RUFY2: variants seen among roughly 807,000 people sequenced by gnomAD.
The protein encoded by RUFY2 is RUN and FYVE domain containing 2.
Under a neutral mutation model 94.4 loss-of-function variants are expected in RUFY2, and 49 were observed. The observed-to-expected ratio is 0.52, with a 90% CI of 0.41 to 0.66. The LOEUF (loss-of-function observed/expected upper bound fraction) is 0.66. Ranked by LOEUF, RUFY2 falls within the 30% of genes least tolerant of loss-of-function variation. The pLI, the probability that RUFY2 is intolerant of heterozygous loss-of-function variation, is 0.00. For missense variants in RUFY2, 541 were observed against 692.8 expected, an observed-to-expected ratio of 0.78 and a Z score of 2.46; for synonymous variants, 255 against 235.7, an observed-to-expected ratio of 1.08 and a Z score of -0.75.
intron 7 of RUFY2, among the ~76,000 whole-genome samples, chr10:68,392,538 T>C (rs1274491937): frequency 2.0e-5 from 3 of 152,108 alleles, no homozygotes; most frequent in Non-Finnish European, 4.4e-5. Flanking sequence ...ACCATCAAAC[T>C]GATACAAACT....
At position 68,379,405 on chromosome 10, in the gene RUFY2, A is replaced by C. The variant is rs897374518; in HGVS notation, c.1205+19T>G. The C allele has an allele frequency of 6.4e-7, 1 of 1,553,232 alleles. No homozygotes were observed. The highest frequency in any genetic ancestry group is 1.2e-5 in the South Asian group (1 of 84,192). On this transcript the variant is annotated intron_variant, in intron 12 of 17. Transcript: ENST00000602465. ...GAAGAAGAAAAGAAAAAAAGAAACT[A>C]AGACTGGAAATGCTGTACCTTTGTT...
At position 68,404,706 on chromosome 10, in the gene RUFY2, A is replaced by G; in HGVS notation, c.143T>C (p.Val48Ala). 1 of 1,612,666 alleles carries G rather than the reference A, an allele frequency of 6.2e-7. No individual in the cohort carries two copies. The highest frequency in any genetic ancestry group is 1.1e-5 in the South Asian group (1 of 90,714). ...SDYPPLQQFF[V>A]VMEHCLKHGL... is the part of the protein sequence containing the mutation. The stretch of plus-strand genomic sequence containing the variant: ...GTGTTTCAGGCAATGTTCCATAACA[A>G]CAAAGAATTGCTGCAAGGGGGGATA... The change falls in exon 2 of 18, where the codon GTT becomes GCT. Residue 48 changes from valine (V) to alanine (A), a missense_variant. Val to Ala is a moderately conservative substitution (Grantham distance 64, BLOSUM62 0). Transcript: ENST00000602465.
At chr10:68,353,312 C>T (rs1441545353) in intron 16 of RUFY2, among the ~76,000 whole-genome samples, 2 of 140,476 alleles carry the variant, frequency 1.4e-5, no homozygotes, top group African/African-American at 5.4e-5. Flanking sequence ...GCCTGGGTAA[C>T]AGAGCGAGAC....
At chr10:68,371,590 CAA>C (rs574725100) in intron 13 of RUFY2, among the ~76,000 whole-genome samples, 20 of 107,740 alleles carry the variant, frequency 1.9e-4, no homozygotes, top group Admixed American at 2.9e-4. Context: ...GACTCCGCCT[CAA>C]AAAAAAAAAA....
At chr10:68,366,759 T>TATATATATATATATATATATAAATAA (rs1235098742) in intron 13 of RUFY2, among the ~76,000 whole-genome samples, 2 of 131,868 alleles carry the variant, frequency 1.5e-5, no homozygotes, top group Admixed American at 9.0e-5. Context: ...TATATATATA[T>TATATATATATATATATATATAAATAA]AATATTAAAT....
At chr10:68,384,250 T>G (rs886781370) in intron 8 of RUFY2, 98 bp from the exon 9 acceptor site, 1 of 1,390,666 alleles carries the variant, frequency 7.2e-7, no homozygotes, top group African/African-American at 1.5e-5. Context: ...AAATAAAATC[T>G]CACAACTAGC....
chr10:68,401,914 C>T (rs1341803825), intron 2 of RUFY2, among the ~76,000 whole-genome samples, 177 bp from the exon 3 acceptor site: 1 of 152,076 alleles, frequency 6.6e-6, no homozygotes, highest in Non-Finnish European at 1.5e-5. Context: ...ATCCTGTTGC[C>T]CATCCTGCTA....
chr10:68,387,691 C>T (rs1177437556), intron 7 of RUFY2, among the ~76,000 whole-genome samples: 1 of 152,038 alleles, frequency 6.6e-6, no homozygotes, highest in Non-Finnish European at 1.5e-5. Context: ...TTTTCTACTT[C>T]CTAATTGTGT....
Position 68,364,085 on chromosome 10 carries a change from C to T in RUFY2, c.1354G>A (p.Glu452Lys). ...LVQLETDLKI[E>K]KEWRQTLQED... Reference sequence around the variant, plus strand: ...TGCAAAGTCTGCCTCCATTCCTTCTCAATCTTCAAGTCAGTTTCCAGTTGC... The same window carrying T: ...TGCAAAGTCTGCCTCCATTCCTTCTTAATCTTCAAGTCAGTTTCCAGTTGC... Residue 452 changes from glutamate to lysine, a missense_variant, in exon 14 of 18, where the codon GAG (glutamate) becomes AAG (lysine). Physicochemically the swap from Glu to Lys is moderately conservative, Grantham distance 56. Transcript: ENST00000602465. 1 of 1,613,244 alleles carries T rather than the reference C, an allele frequency of 6.2e-7. No individual in the cohort carries two copies. Among genetic ancestry groups the T allele is most frequent in the Non-Finnish European group, 8.5e-7 (1 of 1,179,572 alleles).
intron 7 of RUFY2, among the ~76,000 whole-genome samples, chr10:68,388,837 CA>C (rs71009052): frequency 0.045 from 4,653 of 102,424 alleles, 210 homozygotes; most frequent in African/African-American, 0.17. Context: ...AACCCTGTCT[CA>C]AAAAAAAAAA....
Position 68,345,449 on chromosome 10 carries a change from CAG to C in RUFY2, c.*317_*318del, listed in dbSNP as rs1237694586. ...CAGGCACCATCAAATACCAAATTGACAGAATTCAGAAGAAAAAAACAATCTGA... is the reference window on the plus strand; with the variant it reads ...CAGGCACCATCAAATACCAAATTGACAATTCAGAAGAAAAAAACAATCTGA... On this transcript the variant is annotated 3_prime_UTR_variant, in exon 18 of 18. Transcript: ENST00000602465. 3 of 402,526 alleles carry C rather than the reference CAG, an allele frequency of 7.5e-6. No individual in the cohort carries two copies. The highest frequency in any genetic ancestry group is 4.1e-5 in the African/African-American group (2 of 48,742). 24.9% of individuals were successfully genotyped at this position (402,526 alleles called of 1,614,324 possible).
At chr10:68,405,761 CTG>C (rs1208256331) in intron 1 of RUFY2, 2 of 953,302 alleles carry the variant, frequency 2.1e-6, no homozygotes, top group African/African-American at 1.8e-5. Flanking sequence ...TATTGCATGA[CTG>C]TTTTATTTTC....
chr10:68,356,714 A>C (rs1011938178), intron 15 of RUFY2, among the ~76,000 whole-genome samples: 1 of 151,460 alleles, frequency 6.6e-6, no homozygotes, highest in South Asian at 2.1e-4. Context: ...CTCCCAGGCT[A>C]ATTTTTGTAT....
chr10:68,392,765 C>CA lies in RUFY2; in HGVS notation c.650+372dup, dbSNP rs34336651. 6.4e-3 allele frequency among the ~76,000 whole-genome samples: 725 copies of CA among 113,218 alleles called. 4 individuals carry two copies. The highest frequency in any genetic ancestry group is 7.8e-3 in the African/African-American group (260 of 33,528). 74.3% of individuals were successfully genotyped at this position (113,218 alleles called of 152,430 possible). A position where few individuals can be genotyped will look rare whatever the true frequency, so the allele number is the denominator to read the frequency against. On this transcript the variant is annotated intron_variant, in intron 7 of 17. Transcript: ENST00000602465. Reference sequence around the variant, plus strand: ...GTGAAACCCCGTCTCTACTAAAATACAAAAAAAAAAAAAAAAATTAGGTGT... The same window carrying CA: ...GTGAAACCCCGTCTCTACTAAAATACAAAAAAAAAAAAAAAAAATTAGGTGT...
chr10:68,375,321 G>A (rs1304560237), intron 13 of RUFY2, among the ~76,000 whole-genome samples: 1 of 123,550 alleles, frequency 8.1e-6, no homozygotes, highest in Non-Finnish European at 1.6e-5. Flanking sequence ...GAGGGGGGAG[G>A]ATGGGGGGAG....
intron 16 of RUFY2, among the ~76,000 whole-genome samples, chr10:68,353,840 T>C (rs765914935): frequency 6.6e-6 from 1 of 151,550 alleles, no homozygotes; most frequent in Non-Finnish European, 1.5e-5. Context: ...AAAATATATA[T>C]ATAAAGTAAA....
At chr10:68,400,505 T>G (rs527552574) in intron 3 of RUFY2, among the ~76,000 whole-genome samples, 3 of 146,850 alleles carry the variant, frequency 2.0e-5, no homozygotes, top group South Asian at 2.2e-4. Context: ...TGAAACCCCG[T>G]CTCTACTAAA....
downstream of RUFY2, chr10:68,341,525 A>G (rs1248760166): frequency 1.7e-6 from 2 of 1,206,128 alleles, no homozygotes; most frequent in East Asian, 2.3e-5. Context: ...CAAAGCTTGT[A>G]TTGATGAATT....
intron 13 of RUFY2, among the ~76,000 whole-genome samples, chr10:68,370,435 G>C (rs2048179065): frequency 6.7e-6 from 1 of 149,982 alleles, no homozygotes; most frequent in African/African-American, 2.4e-5. Flanking sequence ...CAGTAACAAG[G>C]CATTTCTTTT....
Sources: allele counts gnomAD v4.1 joint callset (sites outside exome capture counted in the v4.1 genomes callset), GRCh38; gene constraint gnomAD v4.1.1; transcripts MANE v1.5; gene names NCBI Gene and HGNC (gene_info 2026-07-23, HGNC 2026-07-21).